Variants in CADPS observed in about 807,000 individuals in gnomAD.
CADPS encodes the protein calcium-dependent secretion activator 1.
In CADPS, 57 loss-of-function variants were observed where a neutral mutation model predicts 167.3. The observed-to-expected ratio is 0.34, with a 90% CI of 0.28 to 0.42. CADPS has a LOEUF of 0.42. Among genes scored for constraint, CADPS ranks in the 20% least tolerant of loss-of-function variants. The pLI, the probability that CADPS is intolerant of heterozygous loss-of-function variation, is 1.00. For missense variants in CADPS, 1,414 were observed against 1,738.1 expected, an observed-to-expected ratio of 0.81 and a Z score of 3.32; for synonymous variants, 676 against 635.3, an observed-to-expected ratio of 1.06 and a Z score of -0.96.
At chr3:62,535,602 G>C (rs1459685128) in intron 12 of CADPS, among the ~76,000 whole-genome samples, 1 of 151,908 alleles carries the variant, frequency 6.6e-6, no homozygotes, top group Admixed American at 6.6e-5. Context: ...TCTATATAAA[G>C]ACATTTCATC....
Position 62,445,802 on chromosome 3 carries a change from A to G in CADPS, c.3637-5T>C. ...ATATTTGGAAGCTGCCTTCACCTAA[A>G]GAGGAAAGAAGAGGATGGAAGTGAG... On this transcript the variant is annotated splice_polypyrimidine_tract_variant and splice_region_variant and intron_variant, in intron 26 of 29. Coordinates refer to ENST00000383710, the MANE Select transcript of CADPS (RefSeq NM_003716.4). The G allele has an allele frequency of 6.6e-7, 1 of 1,509,700 alleles. No homozygotes were observed. The highest frequency in any genetic ancestry group is 8.8e-7 in the Non-Finnish European group (1 of 1,138,786). 93.5% of individuals were successfully genotyped at this position (1,509,700 alleles called of 1,614,324 possible).
At chr3:62,817,261 G>C (rs561927683) in intron 1 of CADPS, among the ~76,000 whole-genome samples, 1 of 152,258 alleles carries the variant, frequency 6.6e-6, no homozygotes, top group South Asian at 2.1e-4. Context: ...ATCTTGAAAG[G>C]TCAGATACAC....
chr3:62,791,309 T>C (rs304213), intron 1 of CADPS, among the ~76,000 whole-genome samples: 114,663 of 152,134 alleles, frequency 0.75, 43,528 homozygotes, highest in East Asian at 0.95. Flanking sequence ...CTAGTGTGAA[T>C]GAAGAACTGA....
intron 26 of CADPS, among the ~76,000 whole-genome samples, chr3:62,464,815 C>T (rs2059757545): frequency 6.6e-6 from 1 of 151,952 alleles, no homozygotes; most frequent in East Asian, 1.9e-4. Flanking sequence ...AGTCTAAGAC[C>T]CCCAAGACAC....
At chr3:62,531,136 CA>C (rs2073568726) in intron 13 of CADPS, among the ~76,000 whole-genome samples, 1 of 152,048 alleles carries the variant, frequency 6.6e-6, no homozygotes, top group African/African-American at 2.4e-5. Flanking sequence ...AGGGAGTTTA[CA>C]AAAACACTTC....
chr3:62,642,456 T>G (rs1364877178), intron 6 of CADPS, among the ~76,000 whole-genome samples: 1 of 152,044 alleles, frequency 6.6e-6, no homozygotes, highest in African/African-American at 2.4e-5. Context: ...AGTTGGAGAT[T>G]AGTAATAGGA....
chr3:62,504,547 C>G (rs1457492818), intron 17 of CADPS, among the ~76,000 whole-genome samples: 4 of 152,206 alleles, frequency 2.6e-5, no homozygotes, highest in Non-Finnish European at 5.9e-5. Context: ...GCAGCAGATA[C>G]ATATTTCAGC....
intron 3 of CADPS, among the ~76,000 whole-genome samples, chr3:62,740,348 T>C (rs972854087): frequency 6.6e-6 from 1 of 152,338 alleles, no homozygotes; most frequent in Non-Finnish European, 1.5e-5. Context: ...AAAGCAAGCA[T>C]GATGGCTGGT....
At chr3:62,726,707 C>A (rs1211655686) in intron 3 of CADPS, among the ~76,000 whole-genome samples, 1 of 151,900 alleles carries the variant, frequency 6.6e-6, no homozygotes, top group Non-Finnish European at 1.5e-5. Flanking sequence ...GGATTCCAGC[C>A]AAAGGAAGCA....
At chr3:62,691,944 G>T (rs1229728802) in intron 3 of CADPS, among the ~76,000 whole-genome samples, 1 of 150,896 alleles carries the variant, frequency 6.6e-6, no homozygotes, top group African/African-American at 2.4e-5. Context: ...AAAAGTTGAA[G>T]AAAAAAAAGA....
intron 3 of CADPS, among the ~76,000 whole-genome samples, chr3:62,701,338 T>C (rs899013783): frequency 6.6e-6 from 1 of 152,082 alleles, no homozygotes; most frequent in Non-Finnish European, 1.5e-5. Flanking sequence ...TCCCAATACA[T>C]GGGCTGAAAG....
intron 1 of CADPS, among the ~76,000 whole-genome samples, chr3:62,819,424 G>A (rs2094791413): frequency 6.6e-6 from 1 of 151,556 alleles, no homozygotes; most frequent in African/African-American, 2.4e-5. Context: ...GTGTGTGTGT[G>A]TGTGTGTGTG....
intron 1 of CADPS, among the ~76,000 whole-genome samples, chr3:62,805,066 C>A (rs1160678171): frequency 3.9e-5 from 6 of 152,126 alleles, no homozygotes; most frequent in Non-Finnish European, 7.3e-5. Context: ...TTGTGGGTGG[C>A]AGTCCTAGGC....
rs371203723 is a variant in CADPS at position 62,842,063 on chromosome 3, C to A, written c.441+32526G>T. Among the ~76,000 whole-genome samples, 23 of 152,232 alleles carry A rather than the reference C, an allele frequency of 1.5e-4. 1 individual carries two copies. The highest frequency in any genetic ancestry group is 5.5e-4 in the African/African-American group (23 of 41,546). ...AACCACATCTAAGCAGCAAATAATT[C>A]TATTTGAAATAAACCAAGATATTTG... On this transcript the variant is annotated intron_variant, in intron 1 of 29. Coordinates refer to ENST00000383710, the MANE Select transcript of CADPS (RefSeq NM_003716.4).
chr3:62,452,474 C>T (rs1318499900), intron 26 of CADPS, among the ~76,000 whole-genome samples: 2 of 152,140 alleles, frequency 1.3e-5, no homozygotes, highest in African/African-American at 4.8e-5. Context: ...TTAGACAGTT[C>T]TATTGGACAG....
At chr3:62,557,960 G>A (rs530411440) in intron 9 of CADPS, among the ~76,000 whole-genome samples, 3 of 152,294 alleles carry the variant, frequency 2.0e-5, no homozygotes, top group African/African-American at 4.8e-5. Context: ...TGCCATGCTC[G>A]CAGATACAAC....
chr3:62,773,736 T>G (rs377570213), intron 1 of CADPS, among the ~76,000 whole-genome samples: 5,668 of 152,268 alleles, frequency 0.037, 156 homozygotes, highest in Middle Eastern at 0.058. Context: ...TCTATCCTCT[T>G]GCATACCTCT....
At chr3:62,560,189 C>T (rs1003691490) in intron 9 of CADPS, among the ~76,000 whole-genome samples, 2 of 152,114 alleles carry the variant, frequency 1.3e-5, no homozygotes, top group African/African-American at 4.8e-5. Context: ...AATGATTTCT[C>T]TTTGAATGAT....
chr3:62,811,792 G>T, intron 1 of CADPS, among the ~76,000 whole-genome samples: 1 of 152,094 alleles, frequency 6.6e-6, no homozygotes, highest in East Asian at 1.9e-4. Flanking sequence ...GACATCCATT[G>T]TCTCTAAATG....
Sources: gnomAD v4.1 joint callset for allele counts (sites outside exome capture counted in the v4.1 genomes callset) on GRCh38, gnomAD v4.1.1 for gene constraint, MANE v1.5 for transcripts, NCBI Gene and HGNC (gene_info 2026-07-23, HGNC 2026-07-21) for gene names.